The following CTNNA3 variants were observed in gnomAD, a reference collection of about 807,000 sequenced individuals.
CTNNA3 encodes catenin alpha-3.
CTNNA3 carries 76 observed loss-of-function variants against 95.7 expected under a neutral mutation model. The ratio of observed to expected loss-of-function variants is 0.79; its 90% confidence interval spans 0.66 to 0.96. The LOEUF (loss-of-function observed/expected upper bound fraction) is 0.96. Ranked by LOEUF, CTNNA3 falls within the 40% of genes least tolerant of loss-of-function variation. CTNNA3 has a pLI of 0.00. For synonymous variants in CTNNA3, 431 were observed against 374.4 expected, an observed-to-expected ratio of 1.15 and a Z score of -1.74; for missense variants, 1,191 against 1,089.8, an observed-to-expected ratio of 1.09 and a Z score of -1.31.
At chr10:66,723,726 C>T (rs953829371) in intron 9 of CTNNA3, among the ~76,000 whole-genome samples, 10 of 152,104 alleles carry the variant, frequency 6.6e-5, no homozygotes, top group Admixed American at 2.0e-4. Flanking sequence ...TCTATATAGT[C>T]TGGATTCCCA....
intron 15 of CTNNA3, among the ~76,000 whole-genome samples, chr10:66,063,298 C>A: frequency 8.2e-6 from 1 of 122,322 alleles, no homozygotes; most frequent in Non-Finnish European, 1.9e-5. Flanking sequence ...ATGTATAAAT[C>A]TCTCTCTCTA....
chr10:66,312,184 T>C (rs1484515783), intron 12 of CTNNA3, among the ~76,000 whole-genome samples: 3 of 152,210 alleles, frequency 2.0e-5, no homozygotes, highest in Admixed American at 2.0e-4. Context: ...CTGCTTAATA[T>C]TCATGACACA....
intron 15 of CTNNA3, among the ~76,000 whole-genome samples, chr10:66,021,852 C>CTTTTTGTTTTTTTTTTTTTTTTT (rs2079219729): frequency 4.0e-5 from 3 of 75,944 alleles, no homozygotes; most frequent in South Asian, 6.2e-4. Flanking sequence ...AGGATCTTGG[C>CTTTTTGTTTTTTTTTTTTTTTTT]TTTTTTTTTT....
intron 11 of CTNNA3, among the ~76,000 whole-genome samples, chr10:66,472,473 G>T (rs1839171918): frequency 6.6e-6 from 1 of 151,974 alleles, no homozygotes; most frequent in African/African-American, 2.4e-5. Flanking sequence ...TTTGGGGACT[G>T]TGGCTGGTTT....
chr10:66,085,705 G>T (rs1172291811), intron 14 of CTNNA3, among the ~76,000 whole-genome samples: 1 of 152,032 alleles, frequency 6.6e-6, no homozygotes, highest in Non-Finnish European at 1.5e-5. Flanking sequence ...TTATTCTTCT[G>T]ATTACAGTGC....
intron 7 of CTNNA3, among the ~76,000 whole-genome samples, chr10:66,913,266 G>GAAAAAA (rs1204338164): frequency 1.3e-5 from 1 of 74,526 alleles, no homozygotes; most frequent in African/African-American, 4.7e-5. Context: ...AAAAAAAAAA[G>GAAAAAA]AAAAAGAAAA....
chr10:66,995,182 T>C (rs1394814256), intron 7 of CTNNA3, among the ~76,000 whole-genome samples: 1 of 152,178 alleles, frequency 6.6e-6, no homozygotes, highest in African/African-American at 2.4e-5. Context: ...ATGATTTCCA[T>C]ACTCTCCTCC....
chr10:66,604,741 A>T (rs1358611243), intron 10 of CTNNA3, among the ~76,000 whole-genome samples: 1 of 150,456 alleles, frequency 6.6e-6, no homozygotes, highest in Non-Finnish European at 1.5e-5. Context: ...GGCAGAATTC[A>T]CTTCATAGCA....
intron 7 of CTNNA3, among the ~76,000 whole-genome samples, chr10:67,132,618 G>A (rs922990798): frequency 3.9e-5 from 6 of 151,970 alleles, no homozygotes; most frequent in Admixed American, 6.6e-5. Context: ...GAGAGAAATG[G>A]AAAAGAAGGT....
rs1589335549 is a variant in CTNNA3 at position 66,853,707 on chromosome 10, A to G, written c.1048-78183T>C. 3.3e-5 allele frequency among the ~76,000 whole-genome samples: 5 copies of G among 152,212 alleles called. No homozygotes were observed. The South Asian group carries it at 1.0e-3, about 32-fold the overall frequency. On this transcript the variant is annotated intron_variant, in intron 7 of 17. Coordinates refer to ENST00000433211, the MANE Select transcript of CTNNA3 (RefSeq NM_013266.4). ...TGGTAATCAGAATGACTTTCTAAAC[A>G]AATGTTAAGACAAAAAAATTCTGCC... is the stretch of plus-strand genomic sequence containing the variant.
At chr10:66,081,319 A>C (rs1163123189) in intron 14 of CTNNA3, among the ~76,000 whole-genome samples, 2 of 152,178 alleles carry the variant, frequency 1.3e-5, no homozygotes, top group Admixed American at 1.3e-4. Flanking sequence ...CCTGTTAAAA[A>C]GAAACAGGAT....
intron 9 of CTNNA3, among the ~76,000 whole-genome samples, chr10:66,763,164 C>G (rs953943523): frequency 2.0e-5 from 3 of 151,956 alleles, no homozygotes; most frequent in Non-Finnish European, 4.4e-5. Flanking sequence ...CTCCTATTTT[C>G]CACGAGTCTA....
chr10:66,572,988 A>G (rs910534932), intron 10 of CTNNA3, among the ~76,000 whole-genome samples: 6 of 152,140 alleles, frequency 3.9e-5, no homozygotes, highest in African/African-American at 1.2e-4. Context: ...CCCTAATGAA[A>G]AATGGAATGC....
chr10:67,240,597 T>A (rs1411475614), intron 5 of CTNNA3, among the ~76,000 whole-genome samples: 1 of 152,114 alleles, frequency 6.6e-6, no homozygotes, highest in Non-Finnish European at 1.5e-5. Context: ...TTCATAGAAA[T>A]AGGACAGATT....
intron 7 of CTNNA3, among the ~76,000 whole-genome samples, chr10:66,835,789 G>A (rs1308828409): frequency 6.6e-6 from 1 of 152,098 alleles, no homozygotes; most frequent in East Asian, 1.9e-4. Flanking sequence ...CTTTCTTAGA[G>A]CAGTGATTAT....
intron 5 of CTNNA3, among the ~76,000 whole-genome samples, chr10:67,484,167 C>A (rs1194569344): frequency 6.6e-6 from 1 of 151,980 alleles, no homozygotes; most frequent in African/African-American, 2.4e-5. Context: ...AGCCCAGAAT[C>A]AAAGCTACAC....
Position 65,972,903 on chromosome 10 carries a change from GGA to G in CTNNA3, c.2266-6159_2266-6158del, listed in dbSNP as rs2078135630. ...TTGAATAGACAAGCAATCCTAAGGG[GGA>G]AAAAAAAAAAAAAAAAAGAAGCCAG... On this transcript the variant is annotated intron_variant, in intron 16 of 17. Coordinates refer to ENST00000433211, the MANE Select transcript of CTNNA3 (RefSeq NM_013266.4). Among the ~76,000 whole-genome samples the G allele has an allele frequency of 4.5e-4, 10 of 22,040 alleles. No individual in the cohort carries two copies. The South Asian group carries it at 0.032, about 71-fold the overall frequency. 14.5% of individuals were successfully genotyped at this position (22,040 alleles called of 152,430 possible).
At chr10:66,349,746 G>A (rs1416926203) in intron 12 of CTNNA3, among the ~76,000 whole-genome samples, 1 of 152,002 alleles carries the variant, frequency 6.6e-6, no homozygotes, top group South Asian at 2.1e-4. Context: ...AGTTTTTTTT[G>A]TACAAGAATA....
intron 7 of CTNNA3, among the ~76,000 whole-genome samples, chr10:67,118,405 G>A (rs1290742756): frequency 6.6e-6 from 1 of 151,902 alleles, no homozygotes; most frequent in Non-Finnish European, 1.5e-5. Context: ...AACTTACAAG[G>A]ACATGCCCTT....
Sources: allele counts gnomAD v4.1 joint callset (sites outside exome capture counted in the v4.1 genomes callset), GRCh38; gene constraint gnomAD v4.1.1; transcripts MANE v1.5; gene names NCBI Gene and HGNC (gene_info 2026-07-23, HGNC 2026-07-21).